CTNNBL1: variants seen among roughly 807,000 people sequenced by gnomAD.
The protein encoded by CTNNBL1 is catenin beta like 1.
Under a neutral mutation model 72.7 loss-of-function variants are expected in CTNNBL1, and 31 were observed. The observed-to-expected ratio is 0.43, with a 90% CI of 0.32 to 0.58. The LOEUF (loss-of-function observed/expected upper bound fraction) is 0.58. CTNNBL1 is among the 20% of genes least tolerant of loss of function. The pLI is 0.08. For synonymous variants in CTNNBL1, 240 were observed against 267.3 expected, an observed-to-expected ratio of 0.90 and a Z score of 1.00; for missense variants, 534 against 725.1, an observed-to-expected ratio of 0.74 and a Z score of 3.03.
chr20:37,766,150 G>C (rs1199237690), intron 6 of CTNNBL1, among the ~76,000 whole-genome samples: 1 of 152,156 alleles, frequency 6.6e-6, no homozygotes, highest in Non-Finnish European at 1.5e-5. Flanking sequence ...TGGGCACCTG[G>C]GGGGAAGAGG....
chr20:37,737,553 T>C, intron 3 of CTNNBL1, 69 bp downstream of exon 3: 1 of 1,090,590 alleles, frequency 9.2e-7, no homozygotes, highest in South Asian at 1.5e-5. Context: ...GTTTTGATTT[T>C]GGTTTGTTTT....
intron 1 of CTNNBL1, among the ~76,000 whole-genome samples, chr20:37,709,541 G>T (rs957561744): frequency 5.9e-5 from 9 of 152,142 alleles, no homozygotes; most frequent in Admixed American, 2.0e-4. Flanking sequence ...TTTAGCAGAC[G>T]CTCTCAACAT....
At chr20:37,762,808 G>T (rs1483326141) in intron 5 of CTNNBL1, among the ~76,000 whole-genome samples, 1 of 152,186 alleles carries the variant, frequency 6.6e-6, no homozygotes, top group Non-Finnish European at 1.5e-5. Context: ...AGATAAAATT[G>T]CATTTAACCC....
At chr20:37,796,840 A>C (rs1208649064) in intron 10 of CTNNBL1, among the ~76,000 whole-genome samples, 1 of 152,192 alleles carries the variant, frequency 6.6e-6, no homozygotes, top group Non-Finnish European at 1.5e-5. Context: ...CTCATGGTAG[A>C]GGGAAGAGAC....
intron 1 of CTNNBL1, among the ~76,000 whole-genome samples, chr20:37,720,137 T>C (rs2073027537): frequency 6.6e-6 from 1 of 152,090 alleles, no homozygotes; most frequent in South Asian, 2.1e-4. Context: ...ACGCCATTCT[T>C]CTGCCTCAGC....
At chr20:37,834,961 C>T (rs16986967) in intron 11 of CTNNBL1, among the ~76,000 whole-genome samples, 4,192 of 152,272 alleles carry the variant, frequency 0.028, 193 homozygotes, top group African/African-American at 0.097. Flanking sequence ...GGCACTAAAT[C>T]TTAGCTTTGA....
At chr20:37,839,232 G>A (rs562076971) in intron 11 of CTNNBL1, among the ~76,000 whole-genome samples, 1 of 152,160 alleles carries the variant, frequency 6.6e-6, no homozygotes, top group Non-Finnish European at 1.5e-5. Context: ...GGCCTCAGTA[G>A]TCAGATGACA....
At chr20:37,717,376 G>A (rs937387559) in intron 1 of CTNNBL1, among the ~76,000 whole-genome samples, 2 of 152,204 alleles carry the variant, frequency 1.3e-5, no homozygotes, top group African/African-American at 4.8e-5. Flanking sequence ...GTTGCAGAAT[G>A]CATACTCCAC....
At chr20:37,781,716 G>A (rs2073627288) in intron 10 of CTNNBL1, among the ~76,000 whole-genome samples, 1 of 152,104 alleles carries the variant, frequency 6.6e-6, no homozygotes, top group African/African-American at 2.4e-5. Context: ...TCTAGTAAGA[G>A]CTGCCAGGTG....
At position 37,695,278 on chromosome 20, in the gene CTNNBL1, G is replaced by C. The variant is rs935083854; in HGVS notation, c.30+1126G>C. On this transcript the variant is annotated intron_variant, in intron 1 of 15. Coordinates refer to ENST00000361383, the MANE Select transcript of CTNNBL1 (RefSeq NM_030877.5). ...GCTGGAGTGCAGTGGCACAATCATTGCTCACAGTAGCCTTAAACTCCTAGG... is the reference window on the plus strand; with the variant it reads ...GCTGGAGTGCAGTGGCACAATCATTCCTCACAGTAGCCTTAAACTCCTAGG... 5.9e-5 allele frequency among the ~76,000 whole-genome samples: 9 copies of C among 152,276 alleles called. No individual in the cohort carries two copies. In the East Asian group the frequency reaches 1.5e-3, roughly 26 times the overall value.
intron 11 of CTNNBL1, among the ~76,000 whole-genome samples, chr20:37,819,438 T>C (rs2072086557): frequency 6.6e-6 from 1 of 152,206 alleles, no homozygotes; most frequent in African/African-American, 2.4e-5. Context: ...CCTGCCTCAT[T>C]ATGAATAGGG....
intron 11 of CTNNBL1, among the ~76,000 whole-genome samples, chr20:37,824,377 A>C (rs1210437708): frequency 1.1e-4 from 16 of 152,254 alleles, no homozygotes. Flanking sequence ...TGCATTTGGC[A>C]CTAGGACCTT....
intron 11 of CTNNBL1, among the ~76,000 whole-genome samples, chr20:37,808,141 G>A (rs142048072): frequency 5.3e-4 from 81 of 152,254 alleles, no homozygotes; most frequent in African/African-American, 1.6e-3. Context: ...GTATATACAC[G>A]CATTTTTACC....
intron 11 of CTNNBL1, among the ~76,000 whole-genome samples, chr20:37,821,566 C>T (rs930934860): frequency 6.6e-6 from 1 of 152,128 alleles, no homozygotes. Context: ...CAACCTTAGA[C>T]ATCATGTAAT....
At chr20:37,707,754 C>T (rs549610810) in intron 1 of CTNNBL1, among the ~76,000 whole-genome samples, 22 of 152,220 alleles carry the variant, frequency 1.4e-4, no homozygotes, top group Admixed American at 6.5e-5. Context: ...GCCTCGCTTT[C>T]GGCCCATTGC....
rs6125958 is a variant in CTNNBL1, at chr20:37,712,056, G to A, written c.30+17904G>A. On this transcript the variant is annotated intron_variant, in intron 1 of 15. Coordinates refer to ENST00000361383, the MANE Select transcript of CTNNBL1 (RefSeq NM_030877.5). ...AGCATTCTGGCCAGCTTAGCTGTGGGAGGGTGTGGAATTCACCTTTGTGCT... is the reference window on the plus strand; with the variant it reads ...AGCATTCTGGCCAGCTTAGCTGTGGAAGGGTGTGGAATTCACCTTTGTGCT... Among the ~76,000 whole-genome samples the A allele has an allele frequency of 2.8e-3, 429 of 152,356 alleles. 5 individuals carry two copies. The highest frequency in any genetic ancestry group is 0.017 in the East Asian group (89 of 5,186).
chr20:37,706,834 T>G (rs76073700), intron 1 of CTNNBL1, among the ~76,000 whole-genome samples: 9,531 of 152,290 alleles, frequency 0.063, 356 homozygotes, highest in African/African-American at 0.073. Context: ...TGAATGCATT[T>G]CTTAAATATT....
intron 11 of CTNNBL1, among the ~76,000 whole-genome samples, chr20:37,819,404 C>T (rs1047607256): frequency 6.6e-6 from 1 of 152,146 alleles, no homozygotes; most frequent in Non-Finnish European, 1.5e-5. Context: ...GTGATATTCA[C>T]CTGTACATTT....
chr20:37,760,156 G>T (rs989906470), intron 5 of CTNNBL1, among the ~76,000 whole-genome samples: 3 of 152,206 alleles, frequency 2.0e-5, no homozygotes, highest in African/African-American at 7.2e-5. Context: ...TGATCTGGTA[G>T]CCTGGAAAAT....
Sources: gnomAD v4.1 joint callset for allele counts (sites outside exome capture counted in the v4.1 genomes callset) on GRCh38, gnomAD v4.1.1 for gene constraint, MANE v1.5 for transcripts, NCBI Gene and HGNC (gene_info 2026-07-23, HGNC 2026-07-21) for gene names.